The following IQSEC1 variants were observed in gnomAD, a reference collection of about 807,000 sequenced individuals.
The protein encoded by IQSEC1 is IQ motif and SEC7 domain-containing protein 1.
In IQSEC1, 31 loss-of-function variants were observed where a neutral mutation model predicts 91.0. The observed-to-expected ratio is 0.34, with a 90% CI of 0.26 to 0.46. The LOEUF (loss-of-function observed/expected upper bound fraction) is 0.46. Among genes scored for constraint, IQSEC1 ranks in the 20% least tolerant of loss-of-function variants. The pLI is 1.00. For missense variants in IQSEC1, 1,388 were observed against 1,575.6 expected (o/e 0.88, Z 2.02); for synonymous variants, 699 against 662.6 (o/e 1.05, Z -0.84).
chr3:13,044,600 G>A (rs1231943956), intron 1 of IQSEC1, among the ~76,000 whole-genome samples: 3 of 152,244 alleles, frequency 2.0e-5, no homozygotes, highest in Admixed American at 2.0e-4. Flanking sequence ...GCAGGCAGGG[G>A]AGAGGCGATC....
chr3:12,945,975 G>A (rs1471126712), intron 1 of IQSEC1, among the ~76,000 whole-genome samples: 23 of 152,156 alleles, frequency 1.5e-4, no homozygotes, highest in Admixed American at 1.5e-3. Flanking sequence ...AACACTCTGG[G>A]CTCTCAGCCC....
chr3:12,983,491 C>A lies in IQSEC1; in HGVS notation c.24-41626G>T, dbSNP rs960758535. Among the ~76,000 whole-genome samples the A allele has an allele frequency of 6.6e-6, 1 of 152,188 alleles. No individual in the cohort carries two copies. Among genetic ancestry groups the A allele is most frequent in the African/African-American group, 2.4e-5 (1 of 41,440 alleles). ...GGTCCAGCCCACCCACCACCTGTCA[C>A]CCTGCTGGAGAACTGCAGCCTGGCC... On this transcript the variant is annotated intron_variant, in intron 1 of 13. Coordinates refer to ENST00000613206, the MANE Select transcript of IQSEC1 (RefSeq NM_001134382.3). This position sits in a 1 kb window ranked among gnomAD's most constrained non-coding sequence, Gnocchi z 4.3.
At position 12,970,319 on chromosome 3, in the gene IQSEC1, C is replaced by T. The variant is rs903615798; in HGVS notation, c.24-28454G>A. ...GTTGGACCTTGAGGGATGAGGAGGGCCCCATGTATGGGGTCACAGGATGTA... is the reference window on the plus strand; with the variant it reads ...GTTGGACCTTGAGGGATGAGGAGGGTCCCATGTATGGGGTCACAGGATGTA... On this transcript the variant is annotated intron_variant, in intron 1 of 13. Coordinates refer to ENST00000613206, the MANE Select transcript of IQSEC1 (RefSeq NM_001134382.3). The surrounding 1 kb of genome is among the most constrained non-coding windows in gnomAD (Gnocchi z 4.4). 3.3e-5 allele frequency among the ~76,000 whole-genome samples: 5 copies of T among 152,078 alleles called. No homozygotes were observed. The highest frequency in any genetic ancestry group is 9.7e-5 in the African/African-American group (4 of 41,388).
At chr3:13,041,625 A>G (rs1013524259) in intron 1 of IQSEC1, among the ~76,000 whole-genome samples, 2 of 152,126 alleles carry the variant, frequency 1.3e-5, no homozygotes, top group Non-Finnish European at 2.9e-5. Context: ...TTTCTTGACC[A>G]AGGTGTGCAC....
At chr3:13,204,991 T>G (rs1427092251) in intron 1 of IQSEC1, among the ~76,000 whole-genome samples, 1 of 151,414 alleles carries the variant, frequency 6.6e-6, no homozygotes, top group Non-Finnish European at 1.5e-5. Context: ...AGAAAAGAGG[T>G]TTCACCATGT....
chr3:13,015,876 T>C (rs1294808043), intron 1 of IQSEC1, among the ~76,000 whole-genome samples: 1 of 152,104 alleles, frequency 6.6e-6, no homozygotes, highest in Admixed American at 6.5e-5. Flanking sequence ...TACACCCACC[T>C]CCCTGGACAG....
chr3:13,137,838 T>A (rs1187213883), intron 2 of IQSEC1, among the ~76,000 whole-genome samples: 3 of 151,980 alleles, frequency 2.0e-5, no homozygotes. Context: ...TCTCTAAAAA[T>A]AATAATAATA....
chr3:13,279,000 G>A (rs1695742237), intron 1 of IQSEC1, among the ~76,000 whole-genome samples: 1 of 152,152 alleles, frequency 6.6e-6, no homozygotes, highest in Admixed American at 6.5e-5. Flanking sequence ...TCGTAGGAGT[G>A]ATGAGACAAG....
At chr3:13,124,739 G>A (rs1023101710) in intron 2 of IQSEC1, among the ~76,000 whole-genome samples, 3 of 150,806 alleles carry the variant, frequency 2.0e-5, no homozygotes, top group South Asian at 2.1e-4. Flanking sequence ...CAAGACCAGC[G>A]ATGCTCTTGG....
rs543434187 is a variant in IQSEC1, at chr3:13,204,736, TCTTA to T, written c.273-40607_273-40604del. On this transcript the variant is annotated intron_variant, in intron 1 of 15. Coordinates refer to the IQSEC1 transcript ENST00000648114. Reference sequence around the variant, plus strand: ...CGTTTTCTCTATCTCTTTCTTTCTATCTTACTTTCTTTCCTTCCTTCCTTCCTTC... The same window carrying T: ...CGTTTTCTCTATCTCTTTCTTTCTATCTTTCTTTCCTTCCTTCCTTCCTTC... Among the ~76,000 whole-genome samples, 242 of 151,640 alleles carry T rather than the reference TCTTA, an allele frequency of 1.6e-3. 1 individual carries two copies. The highest frequency in any genetic ancestry group is 2.9e-3 in the Non-Finnish European group (197 of 67,840).
At chr3:13,036,897 AACGGCATCC>A (rs1472166424) in intron 1 of IQSEC1, among the ~76,000 whole-genome samples, 3 of 152,308 alleles carry the variant, frequency 2.0e-5, no homozygotes, top group Middle Eastern at 3.4e-3. Context: ...TGAACCAGAC[AACGGCATCC>A]ACGGCATGCT....
chr3:13,108,156 C>G (rs1415127064), intron 2 of IQSEC1, among the ~76,000 whole-genome samples: 4 of 152,256 alleles, frequency 2.6e-5, no homozygotes, highest in African/African-American at 4.8e-5. Flanking sequence ...GAGTTTTTAG[C>G]TTTGCCTTCC....
At chr3:13,042,079 T>A (rs1183615296) in intron 1 of IQSEC1, among the ~76,000 whole-genome samples, 1 of 152,244 alleles carries the variant, frequency 6.6e-6, no homozygotes, top group Non-Finnish European at 1.5e-5. Context: ...CTGCAGAAAC[T>A]CTACCAGTTT....
chr3:13,093,541 G>A (rs1468944878), intron 2 of IQSEC1, among the ~76,000 whole-genome samples: 2 of 152,186 alleles, frequency 1.3e-5, no homozygotes, highest in Non-Finnish European at 2.9e-5. Flanking sequence ...GAACTGGGGA[G>A]GCAGGGCTGC....
In IQSEC1 at chr3:12,913,431, C is replaced by T; in HGVS notation, c.2313G>A (p.Leu771=). The T allele has an allele frequency of 1.3e-6, 2 of 1,594,752 alleles. No individual in the cohort carries two copies. The highest frequency in any genetic ancestry group is 1.7e-6 in the Non-Finnish European group (2 of 1,168,590). The change falls in exon 9 of 14, where the codon CTG becomes CTA. Residue 771 remains leucine, a synonymous_variant. Coordinates refer to ENST00000613206, the MANE Select transcript of IQSEC1 (RefSeq NM_001134382.3). ...QREIFLFNDL[L]VVTKIFQKKK... ...GCCTTGTGGGTGAGCCACATACCAC[C>T]AGGAGGTCGTTGAACAGGAAGATTT...
At chr3:12,929,704 G>A (rs904408225) in intron 3 of IQSEC1, among the ~76,000 whole-genome samples, 1 of 152,132 alleles carries the variant, frequency 6.6e-6, no homozygotes, top group African/African-American at 2.4e-5. Context: ...TCTTTCTTTA[G>A]CTCTTCTTGA....
At chr3:13,170,828 G>A (rs566630876) in intron 1 of IQSEC1, among the ~76,000 whole-genome samples, 5 of 152,248 alleles carry the variant, frequency 3.3e-5, no homozygotes, top group South Asian at 2.1e-4. Flanking sequence ...TGCTAGGCGC[G>A]GTGGCTCACG....
chr3:13,026,868 TTTTTTTTTTTGTTTG>T (rs201062113), intron 1 of IQSEC1, among the ~76,000 whole-genome samples: 46,475 of 119,316 alleles, frequency 0.39, 9,382 homozygotes, highest in East Asian at 0.5. Context: ...TCCCCAGTTT[TTTTTTTTTTTGTTTG>T]TTTTTTTTTT....
chr3:13,066,139 G>C (rs1273961605), intron 1 of IQSEC1, among the ~76,000 whole-genome samples: 1 of 152,212 alleles, frequency 6.6e-6, no homozygotes, highest in Non-Finnish European at 1.5e-5. Context: ...GTGAAGTTCT[G>C]GAGATGGATG....
Sources: gnomAD v4.1 joint callset for allele counts (sites outside exome capture counted in the v4.1 genomes callset) on GRCh38, gnomAD v4.1.1 for gene constraint, Gnocchi (gnomAD v3.1) non-coding constraint, MANE v1.5 for transcripts, NCBI Gene and HGNC (gene_info 2026-07-23, HGNC 2026-07-21) for gene names.